Variants in VWA8 observed in about 807,000 individuals in gnomAD.
The protein encoded by VWA8 is von Willebrand factor A domain containing 8, also known as von Willebrand factor A domain-containing protein 8.
A neutral mutation model predicts 241.5 loss-of-function variants in VWA8; 221 were observed. The ratio of observed to expected loss-of-function variants is 0.91; its 90% confidence interval spans 0.82 to 1.02. VWA8 has a LOEUF of 1.02. Ranked by LOEUF, VWA8 falls within the 50% of genes least tolerant of loss-of-function variation. The pLI is 0.00. For missense variants in VWA8, 2,322 were observed against 2,328.7 expected, an observed-to-expected ratio of 1.00 and a Z score of 0.06; for synonymous variants, 852 against 827.1, an observed-to-expected ratio of 1.03 and a Z score of -0.52.
chr13:41,605,886 T>C (rs2044550562), intron 39 of VWA8, among the ~76,000 whole-genome samples: 1 of 152,136 alleles, frequency 6.6e-6, no homozygotes, highest in Non-Finnish European at 1.5e-5. Context: ...TATTGTGGCT[T>C]TGAAATTCTA....
chr13:41,935,163 A>G (rs906222958), intron 2 of VWA8, among the ~76,000 whole-genome samples: 3 of 152,152 alleles, frequency 2.0e-5, no homozygotes, highest in African/African-American at 7.2e-5. Context: ...GATTGGTGAC[A>G]TACCTCAGGG....
chr13:41,861,442 G>A (rs1160369624), intron 12 of VWA8, among the ~76,000 whole-genome samples: 1 of 152,064 alleles, frequency 6.6e-6, no homozygotes, highest in African/African-American at 2.4e-5. Context: ...CATAGTACTA[G>A]AAGTCCTAGC....
chr13:41,748,602 A>C (rs1248450296), intron 21 of VWA8, among the ~76,000 whole-genome samples: 1 of 152,094 alleles, frequency 6.6e-6, no homozygotes, highest in African/African-American at 2.4e-5. Flanking sequence ...TATCTCCTTC[A>C]GTTCTGCTCT....
At chr13:41,625,644 C>T (rs1225220304) in intron 37 of VWA8, among the ~76,000 whole-genome samples, 4 of 152,172 alleles carry the variant, frequency 2.6e-5, no homozygotes, top group Admixed American at 1.3e-4. Flanking sequence ...GGACTGTAAA[C>T]TAGTTCAACC....
chr13:41,757,230 TTA>T (rs1415064502), intron 21 of VWA8, among the ~76,000 whole-genome samples: 4 of 151,660 alleles, frequency 2.6e-5, no homozygotes, highest in African/African-American at 9.7e-5. Context: ...TCCTGTAGGA[TTA>T]TGTTTCTTAT....
At chr13:41,697,657 G>A (rs1193293866) in intron 29 of VWA8, among the ~76,000 whole-genome samples, 1 of 152,214 alleles carries the variant, frequency 6.6e-6, no homozygotes, top group Non-Finnish European at 1.5e-5. Context: ...ACACTCCTAT[G>A]AAAATGTAAT....
At chr13:41,870,513 C>A (rs1873541889) in intron 9 of VWA8, among the ~76,000 whole-genome samples, 1 of 151,900 alleles carries the variant, frequency 6.6e-6, no homozygotes, top group African/African-American at 2.4e-5. Flanking sequence ...GTGGCATGTG[C>A]CTGTAATCCC....
At chr13:41,847,178 T>C (rs1467098685) in intron 12 of VWA8, among the ~76,000 whole-genome samples, 1 of 151,656 alleles carries the variant, frequency 6.6e-6, no homozygotes, top group Non-Finnish European at 1.5e-5. Flanking sequence ...AAAATAAACA[T>C]GGATCTTACA....
intron 42 of VWA8, among the ~76,000 whole-genome samples, chr13:41,578,420 A>G (rs1175787191): frequency 2.0e-5 from 3 of 152,170 alleles, no homozygotes; most frequent in Non-Finnish European, 2.9e-5. Flanking sequence ...GTTACTGCAG[A>G]TTATATTAAG....
chr13:41,679,010 T>C (rs1348161325), intron 35 of VWA8, among the ~76,000 whole-genome samples: 2 of 152,176 alleles, frequency 1.3e-5, no homozygotes, highest in Non-Finnish European at 2.9e-5. Context: ...TTGACTGAAT[T>C]AAGGAAGTGA....
chr13:41,882,780 A>C (rs1406023739), intron 9 of VWA8, among the ~76,000 whole-genome samples: 1 of 138,114 alleles, frequency 7.2e-6, no homozygotes, highest in African/African-American at 2.9e-5. Context: ...GCTGGGCATC[A>C]GAGGGAGACC....
chr13:41,913,865 A>T (rs1876124900), intron 2 of VWA8, among the ~76,000 whole-genome samples: 1 of 152,220 alleles, frequency 6.6e-6, no homozygotes, highest in Non-Finnish European at 1.5e-5. Flanking sequence ...GCAGGATAAA[A>T]TCCCTAAGAC....
intron 2 of VWA8, among the ~76,000 whole-genome samples, chr13:41,941,016 C>T (rs1248917325): frequency 2.0e-5 from 3 of 152,004 alleles, no homozygotes; most frequent in African/African-American, 4.8e-5. Context: ...AAAAAACAAA[C>T]AAAAAGTTTT....
At chr13:41,871,909 T>C (rs1020660429) in intron 9 of VWA8, among the ~76,000 whole-genome samples, 1 of 152,236 alleles carries the variant, frequency 6.6e-6, no homozygotes, top group Non-Finnish European at 1.5e-5. Context: ...TGAACTAGTT[T>C]ACAGTCCCAC....
intron 17 of VWA8, among the ~76,000 whole-genome samples, chr13:41,790,547 C>G (rs980746114): frequency 6.6e-6 from 1 of 151,940 alleles, no homozygotes; most frequent in Non-Finnish European, 1.5e-5. Flanking sequence ...TAAACTCTTA[C>G]AACTGTGTCT....
At chr13:41,612,288 G>A (rs1190140367) in intron 38 of VWA8, among the ~76,000 whole-genome samples, 4 of 152,142 alleles carry the variant, frequency 2.6e-5, no homozygotes, top group East Asian at 1.9e-4. Context: ...TCAGGACCTC[G>A]TATCACTGGC....
intron 37 of VWA8, among the ~76,000 whole-genome samples, chr13:41,644,150 G>A (rs1284436876): frequency 6.6e-6 from 1 of 151,770 alleles, no homozygotes; most frequent in Non-Finnish European, 1.5e-5. Context: ...TTATATTAAA[G>A]CAATTTTTCC....
chr13:41,899,824 T>TA (rs1875334357), intron 4 of VWA8, among the ~76,000 whole-genome samples: 1 of 152,232 alleles, frequency 6.6e-6, no homozygotes, highest in South Asian at 2.1e-4. Flanking sequence ...AAGTAAATGT[T>TA]ACAAGTTTTC....
intron 4 of VWA8, among the ~76,000 whole-genome samples, chr13:41,901,521 C>T (rs575358838): frequency 6.6e-6 from 1 of 152,216 alleles, no homozygotes; most frequent in South Asian, 2.1e-4. Flanking sequence ...GTTTCCTTTT[C>T]ATCTCTCTCT....
Sources: allele counts gnomAD v4.1 joint callset (sites outside exome capture counted in the v4.1 genomes callset), GRCh38; gene constraint gnomAD v4.1.1; transcripts MANE v1.5; gene names NCBI Gene and HGNC (gene_info 2026-07-23, HGNC 2026-07-21).